STRBP: variants seen among roughly 807,000 people sequenced by gnomAD.
STRBP encodes the protein spermatid perinuclear RNA-binding protein.
STRBP carries 13 observed loss-of-function variants against 80.1 expected under a neutral mutation model. The observed-to-expected ratio is 0.16, with a 90% CI of 0.11 to 0.26. The LOEUF is 0.26. Ranked by LOEUF, STRBP falls within the 10% of genes least tolerant of loss-of-function variation. The pLI, the probability that STRBP is intolerant of heterozygous loss-of-function variation, is 1.00. For synonymous variants in STRBP, 284 were observed against 291.2 expected (o/e 0.98, Z 0.25); for missense variants, 485 against 815.2 (o/e 0.59, Z 4.93).
chr9:123,259,488 C>T (rs2041113985), intron 1 of STRBP, among the ~76,000 whole-genome samples: 1 of 152,164 alleles, frequency 6.6e-6, no homozygotes, highest in Admixed American at 6.5e-5. Flanking sequence ...GGGTGGATCA[C>T]CTGAGGTCCG....
chr9:123,207,589 TC>T (rs895564632), intron 2 of STRBP, among the ~76,000 whole-genome samples: 1 of 151,640 alleles, frequency 6.6e-6, no homozygotes, highest in African/African-American at 2.4e-5. Context: ...GAAAGCGGGG[TC>T]GGGGGCTAGG....
intron 1 of STRBP, among the ~76,000 whole-genome samples, chr9:123,244,540 A>G (rs1407117382): frequency 1.3e-5 from 2 of 152,212 alleles, no homozygotes; most frequent in Non-Finnish European, 2.9e-5. Context: ...AAAAGGGGAA[A>G]GTCATGAGGG....
intron 1 of STRBP, among the ~76,000 whole-genome samples, chr9:123,268,077 GC>G (rs950371566): frequency 1.4e-5 from 2 of 142,424 alleles, no homozygotes; most frequent in African/African-American, 5.3e-5. Flanking sequence ...CCTGCCCCGA[GC>G]CCCGAGCCCT....
chr9:123,132,008 C>T (rs1231813287), intron 17 of STRBP, among the ~76,000 whole-genome samples: 1 of 152,202 alleles, frequency 6.6e-6, no homozygotes, highest in Non-Finnish European at 1.5e-5. Context: ...AAGTACTATA[C>T]TTTCAATATT....
intron 2 of STRBP, among the ~76,000 whole-genome samples, chr9:123,223,988 T>C (rs1273655248): frequency 6.6e-6 from 1 of 152,146 alleles, no homozygotes; most frequent in Non-Finnish European, 1.5e-5. Flanking sequence ...CCAGAGATGC[T>C]ATAGTTAGAA....
intron 5 of STRBP, 94 bp downstream of exon 5, chr9:123,173,583 G>T: frequency 7.5e-7 from 1 of 1,334,500 alleles, no homozygotes. Context: ...TATCCTATTA[G>T]CTATTAGCAA....
intron 2 of STRBP, among the ~76,000 whole-genome samples, chr9:123,188,581 G>C (rs1010525253): frequency 6.6e-6 from 1 of 152,146 alleles, no homozygotes; most frequent in East Asian, 1.9e-4. Context: ...GGCGAAGCTT[G>C]CAGTGAGCTG....
chr9:123,140,432 A>G (rs906376323), intron 13 of STRBP, among the ~76,000 whole-genome samples: 2 of 152,264 alleles, frequency 1.3e-5, no homozygotes, highest in South Asian at 4.1e-4. Flanking sequence ...AGTCTCTACT[A>G]AAGATACAAA....
At chr9:123,179,581 G>A (rs571504377) in intron 3 of STRBP, among the ~76,000 whole-genome samples, 54 of 152,100 alleles carry the variant, frequency 3.6e-4, no homozygotes, top group African/African-American at 1.3e-3. Flanking sequence ...TTTGAGGCCA[G>A]CCTGGCCGAC....
At chr9:123,147,895 T>G (rs41278254) in intron 11 of STRBP, 25 bp from the exon 12 acceptor site, 28 of 1,588,914 alleles carry the variant, frequency 1.8e-5, no homozygotes, top group Admixed American at 6.8e-5. Context: ...GAGGGATTCA[T>G]TATCAGTCAA....
intron 1 of STRBP, among the ~76,000 whole-genome samples, chr9:123,263,748 T>C (rs2041208329): frequency 6.6e-6 from 1 of 152,110 alleles, no homozygotes; most frequent in South Asian, 2.1e-4. Context: ...GGAAGGAGTA[T>C]TCAGTAAATC....
chr9:123,123,369 C>G lies in STRBP; in HGVS notation c.*2228G>C, dbSNP rs1588440380. 1.0e-6 allele frequency: 1 copy of G among 985,330 alleles called. No individual in the cohort carries two copies. Among genetic ancestry groups the G allele is most frequent in the East Asian group, 1.1e-4 (1 of 8,814 alleles). The allele number at this position is 985,330 out of a possible 1,614,324, so 61.0% of individuals were successfully genotyped here. On this transcript the variant is annotated 3_prime_UTR_variant, in exon 19 of 19. Transcript: ENST00000348403. ...GTGGGAAGGGCAACAGGTGGGGGGA[C>G]ACTTAATTCATTACAGAATTTAAAC...
At position 123,133,570 on chromosome 9, in the gene STRBP, G is replaced by A. The variant is rs1445564036; in HGVS notation, c.1774-602C>T. Among the ~76,000 whole-genome samples, 2 of 151,154 alleles carry A rather than the reference G, an allele frequency of 1.3e-5. 1 individual carries two copies. The highest frequency in any genetic ancestry group is 4.2e-4 in the South Asian group (2 of 4,774). ...GTTTTTTTTTTTGAGACGGAGTCTC[G>A]CTCTGTCACCCAGGCTGGAGTGCAA... is the stretch of plus-strand genomic sequence containing the variant. On this transcript the variant is annotated intron_variant, in intron 16 of 18. Transcript: ENST00000348403.
chr9:123,145,137 A>G (rs2036759366), intron 13 of STRBP, among the ~76,000 whole-genome samples: 1 of 152,228 alleles, frequency 6.6e-6, no homozygotes, highest in Non-Finnish European at 1.5e-5. Flanking sequence ...ACAAGTCACA[A>G]GAAACCATTA....
intron 11 of STRBP, among the ~76,000 whole-genome samples, chr9:123,149,775 C>T (rs913772271): frequency 6.6e-6 from 1 of 152,164 alleles, no homozygotes; most frequent in Non-Finnish European, 1.5e-5. Context: ...CTCATGAGCA[C>T]CCTCATGAAG....
At chr9:123,261,156 C>T (rs1284875914) in intron 1 of STRBP, among the ~76,000 whole-genome samples, 4 of 152,194 alleles carry the variant, frequency 2.6e-5, no homozygotes. Flanking sequence ...TGTGCATACC[C>T]ATACTCCACC....
chr9:123,247,082 T>C (rs1004574204), intron 1 of STRBP, among the ~76,000 whole-genome samples: 1 of 152,048 alleles, frequency 6.6e-6, no homozygotes, highest in African/African-American at 2.4e-5. Context: ...AAAAACCAGA[T>C]TGAAAAAATA....
intron 3 of STRBP, among the ~76,000 whole-genome samples, chr9:123,179,694 A>C (rs1361867916): frequency 2.6e-5 from 4 of 151,774 alleles, no homozygotes; most frequent in Admixed American, 1.3e-4. Context: ...CAGTGAGCCG[A>C]GATCACACCA....
intron 3 of STRBP, chr9:123,114,678 T>G (rs1043865865): frequency 5.6e-6 from 1 of 179,502 alleles, no homozygotes; most frequent in Non-Finnish European, 1.3e-5. Context: ...TTCTACCTCC[T>G]CTGTACCCTG....
Sources: gnomAD v4.1 joint callset for allele counts (sites outside exome capture counted in the v4.1 genomes callset) on GRCh38, gnomAD v4.1.1 for gene constraint, MANE v1.5 for transcripts, NCBI Gene and HGNC (gene_info 2026-07-23, HGNC 2026-07-21) for gene names.